NEDD4L: variants seen among roughly 807,000 people sequenced by gnomAD.
The protein encoded by NEDD4L is NEDD4 like E3 ubiquitin protein ligase.
A neutral mutation model predicts 148.9 loss-of-function variants in NEDD4L; 54 were observed. The ratio of observed to expected loss-of-function variants is 0.36; its 90% CI spans 0.29 to 0.45. NEDD4L has a LOEUF of 0.45. NEDD4L is among the 20% of genes least tolerant of loss of function. The pLI, the probability that NEDD4L is intolerant of heterozygous loss-of-function variation, is 1.00. For missense variants in NEDD4L, 856 were observed against 1,233.8 expected, an observed-to-expected ratio of 0.69 and a Z score of 4.59; for synonymous variants, 433 against 440.7, an observed-to-expected ratio of 0.98 and a Z score of 0.22.
intron 1 of NEDD4L, among the ~76,000 whole-genome samples, chr18:58,083,690 A>AAACC (rs1555685626): frequency 1.3e-5 from 2 of 151,494 alleles, no homozygotes; most frequent in Non-Finnish European, 2.9e-5. Context: ...TCCATCTCAA[A>AAACC]AAACAAAAAA....
chr18:58,266,929 T>C (rs1482820513), intron 5 of NEDD4L, among the ~76,000 whole-genome samples: 5 of 152,078 alleles, frequency 3.3e-5, no homozygotes, highest in Non-Finnish European at 7.4e-5. Flanking sequence ...GCTTTCTATA[T>C]AGTTATGAAG....
At chr18:58,367,317 GGGCCCA>G in intron 21 of NEDD4L, 1 of 164,530 alleles carries the variant, frequency 6.1e-6, no homozygotes, top group Non-Finnish European at 1.3e-5. Context: ...ACCAAGGGTT[GGGCCCA>G]TAGCAAACAT....
At chr18:58,217,250 T>C (rs1646271092) in intron 2 of NEDD4L, among the ~76,000 whole-genome samples, 1 of 152,206 alleles carries the variant, frequency 6.6e-6, no homozygotes, top group African/African-American at 2.4e-5. Flanking sequence ...TCACCAAACC[T>C]TGCCTGTGTT....
intron 19 of NEDD4L, among the ~76,000 whole-genome samples, chr18:58,363,824 A>G (rs1360695079): frequency 1.3e-5 from 2 of 152,100 alleles, no homozygotes; most frequent in Non-Finnish European, 2.9e-5. Context: ...TGCTCGTTGT[A>G]TTTCCCCACA....
At chr18:58,142,834 CA>C (rs1455303896) in intron 1 of NEDD4L, among the ~76,000 whole-genome samples, 1 of 121,670 alleles carries the variant, frequency 8.2e-6, no homozygotes, top group Admixed American at 9.5e-5. Context: ...CACCTTTTAT[CA>C]TTTTTTTTTC....
chr18:58,240,018 C>T (rs552282154), intron 2 of NEDD4L, among the ~76,000 whole-genome samples: 12 of 152,298 alleles, frequency 7.9e-5, no homozygotes, highest in South Asian at 6.2e-4. Flanking sequence ...GTGACCTCTC[C>T]TGAGAGAGCA....
Position 58,176,594 on chromosome 18 carries a change from C to G in NEDD4L, c.122+10733C>G, listed in dbSNP as rs566286782. Among the ~76,000 whole-genome samples, 3 of 152,328 alleles carry G rather than the reference C, an allele frequency of 2.0e-5. No homozygotes were observed. The South Asian group carries it at 6.2e-4, about 32-fold the overall frequency. On this transcript the variant is annotated intron_variant, in intron 2 of 30. Coordinates refer to ENST00000400345, the MANE Select transcript of NEDD4L (RefSeq NM_001144967.3). The stretch of plus-strand genomic sequence containing the variant: ...AAGTGACCCTCCCGCCTTGGCCTCT[C>G]AAAGTGCTGGAATTACAGGTGCAAA...
rs764470079 is a variant in NEDD4L at position 58,329,136 on chromosome 18, TC to T, written c.813+13del. ...GCGGGGATGTCCCCGAGGTACGATG[TC>T]CCCAGAATGGTGCAAAGCCCGGCAG... On this transcript the variant is annotated intron_variant, in intron 10 of 30. Transcript: ENST00000400345. 6.8e-6 allele frequency: 11 copies of T among 1,613,276 alleles called. No homozygotes were observed. The Admixed American group carries it at 1.0e-4, about 15-fold the overall frequency.
At chr18:58,120,409 A>G (rs775685456) in intron 1 of NEDD4L, among the ~76,000 whole-genome samples, 3 of 152,200 alleles carry the variant, frequency 2.0e-5, no homozygotes, top group Non-Finnish European at 4.4e-5. Flanking sequence ...GTGAGGATGG[A>G]ATGAGGTAAC....
intron 26 of NEDD4L, 41 bp from the exon 27 acceptor site, chr18:58,387,398 A>C: frequency 6.7e-7 from 1 of 1,483,372 alleles, no homozygotes. Context: ...TTTTTTTTTG[A>C]AGGCAATAGG....
At position 58,330,902 on chromosome 18, in the gene NEDD4L, C is replaced by G; in HGVS notation, c.978C>G (p.Phe326Leu). ...CTCCAGACTCCAATGGGGAACAGTT[C>G]AGCTCTTTGATTGTAAGTAGTGGCC... The part of the protein sequence containing the change: ...QITPDSNGEQ[F>L]SSLIQREPSS... Residue 326 changes from phenylalanine (F) to leucine (L), a missense_variant, in exon 11 of 31, where the codon TTC (phenylalanine) becomes TTG (leucine). Phe to Leu is a conservative substitution (Grantham distance 22). Around this residue, in one of 4 missense-constraint regions of NEDD4L, gnomAD observed 367 missense variants for 422.7 expected, o/e 0.87. Transcript: ENST00000400345. The G allele has an allele frequency of 1.2e-6, 2 of 1,613,412 alleles. 1 individual carries two copies. Among genetic ancestry groups the G allele is most frequent in the South Asian group, 2.2e-5 (2 of 91,006 alleles).
At chr18:58,380,404 A>T (rs9959537) in intron 24 of NEDD4L, among the ~76,000 whole-genome samples, 41,225 of 151,336 alleles carry the variant, frequency 0.27, 5,810 homozygotes, top group Middle Eastern at 0.35. Flanking sequence ...GTGCAACCTC[A>T]GCCCCCTGGG....
Position 58,100,251 on chromosome 18 carries a change from G to T in NEDD4L, c.48+55543G>T, listed in dbSNP as rs564718400. 3.3e-5 allele frequency among the ~76,000 whole-genome samples: 5 copies of T among 152,232 alleles called. No homozygotes were observed. The South Asian group carries it at 1.0e-3, about 32-fold the overall frequency. ...CTTCCTTGGGCTATCAGTCATTAAG[G>T]CCCCTTAACATCATGGCCGATTCTG... is the stretch of plus-strand genomic sequence containing the variant. On this transcript the variant is annotated intron_variant, in intron 1 of 30. Coordinates refer to ENST00000400345, the MANE Select transcript of NEDD4L (RefSeq NM_001144967.3).
chr18:58,375,161 C>G lies in NEDD4L; in HGVS notation c.2352+1892C>G, dbSNP rs143103816. ...CCTCCTCATGCCATCTCCCCGTGCC[C>G]AGGCTTGCTGTGCCCCGTGACTCCC... On this transcript the variant is annotated intron_variant, in intron 24 of 30. Transcript: ENST00000400345. Among the ~76,000 whole-genome samples, 1,062 of 152,164 alleles carry G rather than the reference C, an allele frequency of 7.0e-3. 5 individuals are homozygous for G. Among genetic ancestry groups the G allele is most frequent in the South Asian group, 0.011 (53 of 4,818 alleles).
At position 58,124,846 on chromosome 18, in the gene NEDD4L, G is replaced by C. The variant is rs138851542; in HGVS notation, c.49-40942G>C. On this transcript the variant is annotated intron_variant, in intron 1 of 30. Coordinates refer to ENST00000400345, the MANE Select transcript of NEDD4L (RefSeq NM_001144967.3). ...CCATTCTAAGCATTTGAAGAAGAGT[G>C]TATTAACCTGCATGAGGAAGGCTAT... Among the ~76,000 whole-genome samples, 123 of 152,356 alleles carry C rather than the reference G, an allele frequency of 8.1e-4. 1 individual carries two copies. The highest frequency in any genetic ancestry group is 3.0e-3 in the African/African-American group (123 of 41,578).
intron 17 of NEDD4L, 110 bp downstream of exon 17, chr18:58,349,724 C>A: frequency 1.2e-6 from 1 of 834,288 alleles, no homozygotes; most frequent in Non-Finnish European, 2.0e-6. Flanking sequence ...CTTTGTGGAT[C>A]TCATTGGTTT....
intron 1 of NEDD4L, among the ~76,000 whole-genome samples, chr18:58,048,775 AC>A (rs975100675): frequency 3.3e-5 from 5 of 151,978 alleles, no homozygotes; most frequent in African/African-American, 1.2e-4. Context: ...CCACATTCTA[AC>A]CTAGTTACAG....
intron 1 of NEDD4L, among the ~76,000 whole-genome samples, chr18:58,077,830 C>T (rs1313088422): frequency 2.0e-5 from 3 of 152,084 alleles, no homozygotes; most frequent in Admixed American, 2.0e-4. Flanking sequence ...GGTTCTCAAC[C>T]AGGGGCAGTT....
In NEDD4L at chr18:58,383,295, A is replaced by G. The variant is rs2048580915; in HGVS notation, c.2402A>G (p.Asn801Ser). Reference sequence around the variant, plus strand: ...AATGGGTCAGAAATAATGGTCACAAATGAAAACAAAAGGGAATATATCGAG... The same window carrying G: ...AATGGGTCAGAAATAATGGTCACAAGTGAAAACAAAAGGGAATATATCGAG... ...KPNGSEIMVT[N>S]ENKREYIDLV... Residue 801 changes from asparagine (N) to serine (S), a missense_variant, in exon 25 of 31, where the codon AAT (asparagine) becomes AGT (serine). Asn to Ser is a conservative substitution (Grantham distance 46, BLOSUM62 1). Coordinates refer to ENST00000400345, the MANE Select transcript of NEDD4L (RefSeq NM_001144967.3). 1 of 1,539,852 alleles carries G rather than the reference A, an allele frequency of 6.5e-7. No homozygotes were observed. Among genetic ancestry groups the G allele is most frequent in the Admixed American group, 2.0e-5 (1 of 51,202 alleles).
Sources: gnomAD v4.1 joint callset for allele counts (sites outside exome capture counted in the v4.1 genomes callset) on GRCh38, gnomAD v4.1.1 for gene constraint, gnomAD v4.1.1 regional missense constraint, MANE v1.5 for transcripts, NCBI Gene and HGNC (gene_info 2026-07-23, HGNC 2026-07-21) for gene names.